LMAN2: variants seen among roughly 807,000 people sequenced by gnomAD.
LMAN2 encodes vesicular integral-membrane protein VIP36.
Under a neutral mutation model 39.3 loss-of-function variants are expected in LMAN2, and 22 were observed. The ratio of observed to expected loss-of-function variants is 0.56; its 90% confidence interval spans 0.40 to 0.80. The LOEUF is 0.80. Among genes scored for constraint, LMAN2 ranks in the 30% least tolerant of loss-of-function variants. LMAN2 has a pLI of 0.00. For synonymous variants in LMAN2, 207 were observed against 207.8 expected (o/e 1.00, Z 0.03); for missense variants, 494 against 505.4 (o/e 0.98, Z 0.22).
At chr5:177,350,616 C>T (rs962951364) in intron 2 of LMAN2, among the ~76,000 whole-genome samples, 2 of 152,222 alleles carry the variant, frequency 1.3e-5, no homozygotes, top group Non-Finnish European at 2.9e-5. Context: ...ATCGAGTGAA[C>T]TGCTGGGCTT....
chr5:177,351,660 T>A lies in LMAN2; in HGVS notation c.-13A>T. The A allele has an allele frequency of 6.4e-7, 1 of 1,565,294 alleles. No individual in the cohort carries two copies. On this transcript the variant is annotated 5_prime_UTR_variant, in exon 1 of 8. Coordinates refer to ENST00000303127, the MANE Select transcript of LMAN2 (RefSeq NM_006816.3). ...CTTCCGCCGCCATTCTCCTCTCCTC[T>A]CGGCCACTTCCGCCCTAGAACTTCC...
Position 177,351,572 on chromosome 5 carries a change from C to T in LMAN2, c.76G>A (p.Gly26Ser). The T allele has an allele frequency of 1.2e-6, 2 of 1,614,014 alleles. No homozygotes were observed. The highest frequency in any genetic ancestry group is 1.7e-6 in the Non-Finnish European group (2 of 1,180,008). ...CLGRPGLLGP[G>S]PGPTTPLFLL... is the part of the protein sequence containing the mutation. ...AAGAGAGGTGTAGTGGGGCCAGGGC[C>T]GGGGCCGAGAAGCCCAGGCCTTCCC... The change falls in exon 1 of 8, where the codon GGC (glycine) becomes AGC (serine). Residue 26 changes from glycine (G) to serine (S), a missense_variant. Gly to Ser is a moderately conservative substitution (Grantham distance 56, BLOSUM62 0). Coordinates refer to ENST00000303127, the MANE Select transcript of LMAN2 (RefSeq NM_006816.3).
At chr5:177,334,889 G>T (rs762562987) in intron 6 of LMAN2, among the ~76,000 whole-genome samples, 4 of 152,220 alleles carry the variant, frequency 2.6e-5, no homozygotes, top group Non-Finnish European at 5.9e-5. Flanking sequence ...TTGCCACAGA[G>T]ACCCACATAC....
chr5:177,334,599 A>C (rs1018957130), intron 6 of LMAN2, 196 bp from the exon 7 acceptor site: 2 of 599,298 alleles, frequency 3.3e-6, no homozygotes, highest in African/African-American at 3.8e-5. Flanking sequence ...GAGAGGAGGC[A>C]GAGTGGAGAG....
chr5:177,339,845 C>T (rs1355679541), intron 2 of LMAN2, among the ~76,000 whole-genome samples: 1 of 152,136 alleles, frequency 6.6e-6, no homozygotes, highest in Non-Finnish European at 1.5e-5. Context: ...ATAAAAAACA[C>T]TGTACCCCAA....
chr5:177,350,823 G>C (rs1182973923), intron 2 of LMAN2, among the ~76,000 whole-genome samples: 3 of 152,188 alleles, frequency 2.0e-5, no homozygotes, highest in Non-Finnish European at 4.4e-5. Flanking sequence ...CCATTACTGA[G>C]GGGGTTCAAG....
rs569011756 is a variant in LMAN2 at position 177,339,456 on chromosome 5, G to A, written c.316-851C>T. On this transcript the variant is annotated intron_variant, in intron 2 of 7. Transcript: ENST00000303127. ...TCAAGGGCACCACCATGTGAGCTGG[G>A]GCAGGGATGGGCACCGCCTACGCCA... Among the ~76,000 whole-genome samples, 302 of 152,346 alleles carry A rather than the reference G, an allele frequency of 2.0e-3. 3 individuals carry two copies. The highest frequency in any genetic ancestry group is 6.7e-3 in the African/African-American group (278 of 41,584).
In LMAN2 at chr5:177,332,321, G is replaced by A; in HGVS notation, c.911-75C>T. 1.4e-6 allele frequency: 2 copies of A among 1,405,038 alleles called. No individual in the cohort carries two copies. The highest frequency in any genetic ancestry group is 2.0e-6 in the Non-Finnish European group (2 of 1,015,840). 87.0% of individuals were successfully genotyped at this position (1,405,038 alleles called of 1,614,324 possible). A position where few individuals can be genotyped will look rare whatever the true frequency, so the allele number is the denominator to read the frequency against. On this transcript the variant is annotated intron_variant, in intron 7 of 7. Coordinates refer to ENST00000303127, the MANE Select transcript of LMAN2 (RefSeq NM_006816.3). The surrounding 1 kb of genome is among the most constrained non-coding windows in gnomAD (Gnocchi z 6.3). ...CAGGGGGCTGCAGGAGGGCAGTGGGGATGGAACAGGACAGCCGGCCACGGT... is the reference window on the plus strand; with the variant it reads ...CAGGGGGCTGCAGGAGGGCAGTGGGAATGGAACAGGACAGCCGGCCACGGT...
At chr5:177,339,816 C>T (rs1216336797) in intron 2 of LMAN2, among the ~76,000 whole-genome samples, 1 of 152,168 alleles carries the variant, frequency 6.6e-6, no homozygotes, top group Admixed American at 6.5e-5. Context: ...AAACATATTA[C>T]TTCTGTGATC....
chr5:177,344,680 C>A (rs1410157745), intron 2 of LMAN2, among the ~76,000 whole-genome samples: 2 of 150,812 alleles, frequency 1.3e-5, no homozygotes, highest in Non-Finnish European at 3.0e-5. Flanking sequence ...CCGAGGCAGG[C>A]AGATCACCTG....
At chr5:177,344,385 A>G (rs1761604392) in intron 2 of LMAN2, among the ~76,000 whole-genome samples, 1 of 145,216 alleles carries the variant, frequency 6.9e-6, no homozygotes, top group South Asian at 2.2e-4. Flanking sequence ...CCCTGGTTCA[A>G]TTCTCCTGCC....
Position 177,351,609 on chromosome 5 carries a change from G to A in LMAN2, c.39C>T (p.Gly13=), listed in dbSNP as rs1477709095. 3 of 1,604,214 alleles carry A rather than the reference G, an allele frequency of 1.9e-6. No individual in the cohort carries two copies. The highest frequency in any genetic ancestry group is 1.3e-5 in the African/African-American group (1 of 74,108). Reference sequence around the variant, plus strand: ...GCCCAGGCCTTCCCAGGCACCGCCGGCCCCAGCCCCAACGCCAAATCCAGC... The same window carrying A: ...GCCCAGGCCTTCCCAGGCACCGCCGACCCCAGCCCCAACGCCAAATCCAGC... ...AEGWIWRWGW[G]RRCLGRPGLL... is the part of the protein sequence containing the mutation. Residue 13 remains glycine (G), a synonymous_variant, in exon 1 of 8, where the codon GGC becomes GGT. Transcript: ENST00000303127.
chr5:177,345,736 C>CTTATTTATTT (rs1561606912), intron 2 of LMAN2, among the ~76,000 whole-genome samples: 4,080 of 135,516 alleles, frequency 0.03, 86 homozygotes, highest in Non-Finnish European at 0.045. Context: ...CCATGGCATG[C>CTTATTTATTT]ATTTATTTAT....
intron 6 of LMAN2, chr5:177,336,838 A>C: frequency 2.8e-5 from 13 of 469,998 alleles, no homozygotes; most frequent in East Asian, 4.2e-5. Flanking sequence ...AGGCCCGGAC[A>C]GGCCATTTAC....
Position 177,337,938 on chromosome 5 carries a change from G to C in LMAN2, c.434-153C>G, listed in dbSNP as rs1761499158. ...GAAGGGATCGTGAAAGGAGAAAGCT[G>C]AGGCTTTCTCCTCAGAAGTGGGGGG... On this transcript the variant is annotated intron_variant, in intron 3 of 7. Transcript: ENST00000303127. The surrounding 1 kb of genome is among the most constrained non-coding windows in gnomAD (Gnocchi z 8.2). Among the ~76,000 whole-genome samples, 1 of 152,092 alleles carries C rather than the reference G, an allele frequency of 6.6e-6. No individual in the cohort carries two copies. The highest frequency in any genetic ancestry group is 2.4e-5 in the African/African-American group (1 of 41,488).
chr5:177,334,481 A>G lies in LMAN2; in HGVS notation c.791-78T>C, dbSNP rs935703752. On this transcript the variant is annotated intron_variant, in intron 6 of 7. Transcript: ENST00000303127. ...GTGGCCCAAGACCCTCCCACAAGGA[A>G]AGCTGCTGCTGCAGCCAGTAAACCT... The G allele has an allele frequency of 3.3e-6, 5 of 1,529,474 alleles. No homozygotes were observed. In the African/African-American group the frequency reaches 6.8e-5, roughly 21 times the overall value. 94.7% of individuals were successfully genotyped at this position (1,529,474 alleles called of 1,614,324 possible). A position where few individuals can be genotyped will look rare whatever the true frequency, so the allele number is the denominator to read the frequency against.
At position 177,337,555 on chromosome 5, in the gene LMAN2, CAG is replaced by C; in HGVS notation, c.514-33_514-32del. Reference sequence around the variant, plus strand: ...ACCAAGACATCGGTTACTCCACAAGCAGCCCAGCCTGTGGGGCGAGCAGGGGC... The same window carrying C: ...ACCAAGACATCGGTTACTCCACAAGCCCCAGCCTGTGGGGCGAGCAGGGGC... On this transcript the variant is annotated intron_variant, in intron 4 of 7. Coordinates refer to ENST00000303127, the MANE Select transcript of LMAN2 (RefSeq NM_006816.3). This position sits in a 1 kb window ranked among gnomAD's most constrained non-coding sequence, Gnocchi z 8.2. 1 of 1,610,788 alleles carries C rather than the reference CAG, an allele frequency of 6.2e-7. No homozygotes were observed. The highest frequency in any genetic ancestry group is 8.5e-7 in the Non-Finnish European group (1 of 1,177,402).
intron 6 of LMAN2, chr5:177,334,661 C>T (rs539260695): frequency 5.1e-6 from 2 of 392,886 alleles, no homozygotes; most frequent in Non-Finnish European, 9.4e-6. Context: ...ATCCTGGGGT[C>T]TGCCGCCCTC....
At chr5:177,339,180 C>T (rs902704330) in intron 2 of LMAN2, among the ~76,000 whole-genome samples, 8 of 152,212 alleles carry the variant, frequency 5.3e-5, no homozygotes, top group African/African-American at 1.9e-4. Context: ...GCCTTCAGTA[C>T]TTCCCGCGGC....
Sources: gnomAD v4.1 joint callset for allele counts (sites outside exome capture counted in the v4.1 genomes callset) on GRCh38, gnomAD v4.1.1 for gene constraint, Gnocchi (gnomAD v3.1) non-coding constraint, MANE v1.5 for transcripts, NCBI Gene and HGNC (gene_info 2026-07-23, HGNC 2026-07-21) for gene names.